Variants in RPL5 observed in about 807,000 individuals in gnomAD.
RPL5 encodes the protein large ribosomal subunit protein uL18.
Under a neutral mutation model 38.4 loss-of-function variants are expected in RPL5, and 1 was observed. The ratio of observed to expected loss-of-function variants is 0.03; its 90% confidence interval spans 0.01 to 0.12. The LOEUF is 0.12. RPL5 is among the 10% of genes least tolerant of loss of function. RPL5 has a pLI of 1.00. For missense variants in RPL5, 243 were observed against 374.1 expected, an observed-to-expected ratio of 0.65 and a Z score of 2.89; for synonymous variants, 109 against 121.2, an observed-to-expected ratio of 0.90 and a Z score of 0.66.
chr1:92,834,951 CTG>C, intron 4 of RPL5, 38 bp downstream of exon 4: 1 of 1,599,614 alleles, frequency 6.3e-7, no homozygotes, highest in Non-Finnish European at 8.5e-7. Flanking sequence ...TAGTTTGTGG[CTG>C]ATTGCTTGGA....
At chr1:92,840,423 T>C in intron 6 of RPL5, 128 bp from the exon 7 acceptor site, 1 of 744,300 alleles carries the variant, frequency 1.3e-6, no homozygotes, top group South Asian at 1.5e-5. Context: ...TTAAAGTGTT[T>C]ACCAACATTG....
intron 4 of RPL5, among the ~76,000 whole-genome samples, chr1:92,835,480 C>T (rs1201697489): frequency 6.6e-6 from 1 of 150,502 alleles, no homozygotes; most frequent in African/African-American, 2.5e-5. Context: ...TGGTGAAGCC[C>T]TGTCTCTACT....
chr1:92,834,238 A>ATC (rs1687030376), intron 3 of RPL5, among the ~76,000 whole-genome samples: 2 of 152,322 alleles, frequency 1.3e-5, no homozygotes, highest in Admixed American at 1.3e-4. Context: ...GTAGTTGTGA[A>ATC]TTAAACAGGG....
In RPL5 at chr1:92,840,027, A is replaced by T. The variant is rs866574781; in HGVS notation, c.706-524A>T. Among the ~76,000 whole-genome samples the T allele has an allele frequency of 4.5e-3, 611 of 135,700 alleles. 1 individual carries two copies. Among genetic ancestry groups the T allele is most frequent in the South Asian group, 0.011 (49 of 4,346 alleles). 89.0% of individuals were successfully genotyped at this position (135,700 alleles called of 152,430 possible). On this transcript the variant is annotated intron_variant, in intron 6 of 7. Coordinates refer to ENST00000370321, the MANE Select transcript of RPL5 (RefSeq NM_000969.5). Reference sequence around the variant, plus strand: ...CTGCTAATTTTTTTTTTTTTTTTTTAATTTTTGGTAGAGATGAGGTCTCAT... The same window carrying T: ...CTGCTAATTTTTTTTTTTTTTTTTTTATTTTTGGTAGAGATGAGGTCTCAT...
chr1:92,833,306 T>C, intron 1 of RPL5, 83 bp from the exon 2 acceptor site: 1 of 1,136,508 alleles, frequency 8.8e-7, no homozygotes, highest in Non-Finnish European at 1.3e-6. Context: ...AGTTCAAGTG[T>C]TACTTTGTTA....
At chr1:92,835,388 C>A (rs188279769) in intron 4 of RPL5, 308 of 218,958 alleles carry the variant, frequency 1.4e-3, no homozygotes, top group Non-Finnish European at 2.2e-3. Flanking sequence ...CGCGGTGGCT[C>A]ACACTTATAA....
chr1:92,834,818 G>A lies in RPL5; in HGVS notation c.229G>A (p.Ala77Thr), dbSNP rs752867126. The A allele has an allele frequency of 1.7e-5, 27 of 1,612,564 alleles. No individual in the cohort carries two copies. The highest frequency in any genetic ancestry group is 1.8e-5 in the Non-Finnish European group (21 of 1,179,918). ...TATAGAGGGGGATATGATAGTCTGC[G>A]CAGCGTATGCACACGAACTGCCAAA... ...ARIEGDMIVC[A>T]AYAHELPKYG... is the part of the protein sequence containing the mutation. Residue 77 changes from alanine to threonine, a missense_variant, in exon 4 of 8, where the codon GCA (alanine) becomes ACA (threonine). Coordinates refer to ENST00000370321, the MANE Select transcript of RPL5 (RefSeq NM_000969.5).
At chr1:92,832,254 G>A (rs1686936957) in intron 1 of RPL5, 137 bp downstream of exon 1, 1 of 1,392,692 alleles carries the variant, frequency 7.2e-7, no homozygotes, top group Non-Finnish European at 1.0e-6. Flanking sequence ...TGGTCGAGGT[G>A]CAGTTCCCAG....
rs535694254 is a variant in RPL5 at position 92,832,071 on chromosome 1, G to C, written c.-44G>C. On this transcript the variant is annotated 5_prime_UTR_variant, in exon 1 of 8. Transcript: ENST00000370321. Reference sequence around the variant, plus strand: ...CCCACCCCCTAGCGCCGCTGGGCCTGCAGGTCTCTGTCGAGCAGCGGACGC... The same window carrying C: ...CCCACCCCCTAGCGCCGCTGGGCCTCCAGGTCTCTGTCGAGCAGCGGACGC... 1 of 1,613,544 alleles carries C rather than the reference G, an allele frequency of 6.2e-7. No individual in the cohort carries two copies. The highest frequency in any genetic ancestry group is 8.5e-7 in the Non-Finnish European group (1 of 1,179,806).
intron 4 of RPL5, 72 bp downstream of exon 4, chr1:92,834,985 T>A: frequency 6.3e-7 from 1 of 1,589,836 alleles, no homozygotes; most frequent in East Asian, 2.2e-5. Flanking sequence ...AAGATGTTTG[T>A]ACATGGATAA....
At chr1:92,840,769 C>T in intron 7 of RPL5, 130 bp downstream of exon 7, 1 of 774,946 alleles carries the variant, frequency 1.3e-6, no homozygotes, top group Non-Finnish European at 2.3e-6. Flanking sequence ...CGAAGGGAAC[C>T]AGGTTTGCAA....
chr1:92,832,958 A>G (rs538839176), intron 1 of RPL5: 4 of 717,302 alleles, frequency 5.6e-6, no homozygotes, highest in East Asian at 5.1e-5. Flanking sequence ...TGTTCCGAAC[A>G]AACCGACGTT....
chr1:92,841,023 A>G (rs1416666738), intron 7 of RPL5, among the ~76,000 whole-genome samples: 2 of 152,264 alleles, frequency 1.3e-5, no homozygotes, highest in East Asian at 3.8e-4. Context: ...TATTTAACAT[A>G]TTCACCTCAA....
Position 92,832,693 on chromosome 1 carries a change from G to A in RPL5, c.3+576G>A, listed in dbSNP as rs1294640266. ...GAAGCTCCTTTAACATGGAATACGT[G>A]CCTCCTGCCTCTTCCTCTAGAGTCC... On this transcript the variant is annotated intron_variant, in intron 1 of 7. Coordinates refer to ENST00000370321, the MANE Select transcript of RPL5 (RefSeq NM_000969.5). 4 of 371,592 alleles carry A rather than the reference G, an allele frequency of 1.1e-5. No homozygotes were observed. The East Asian group carries it at 1.5e-4, about 14-fold the overall frequency. 23.0% of individuals were successfully genotyped at this position (371,592 alleles called of 1,614,324 possible). A position where few individuals can be genotyped will look rare whatever the true frequency, so the allele number is the denominator to read the frequency against.
chr1:92,840,526 T>C, intron 6 of RPL5, 25 bp from the exon 7 acceptor site: 1 of 1,548,638 alleles, frequency 6.5e-7, no homozygotes, highest in Non-Finnish European at 8.9e-7. Flanking sequence ...TGAAACCAAG[T>C]ACTGTTTGCT....
At position 92,841,749 on chromosome 1, in the gene RPL5, A is replaced by G. The variant is rs774939950; in HGVS notation, c.795-17A>G. The stretch of plus-strand genomic sequence containing the variant: ...TTCAGTTATAGTTTAAAAAATATAT[A>G]TTCCTATCTTTTGTAGGTGGAACCG... On this transcript the variant is annotated splice_polypyrimidine_tract_variant and intron_variant, in intron 7 of 7. Transcript: ENST00000370321. 6.4e-7 allele frequency: 1 copy of G among 1,554,714 alleles called. No homozygotes were observed. Among genetic ancestry groups the G allele is most frequent in the South Asian group, 1.1e-5 (1 of 89,304 alleles).
At position 92,841,869 on chromosome 1, in the gene RPL5, C is replaced by A; in HGVS notation, c.*4C>A. The A allele has an allele frequency of 1.2e-6, 2 of 1,608,042 alleles. No individual in the cohort carries two copies. Among genetic ancestry groups the A allele is most frequent in the Non-Finnish European group, 8.5e-7 (1 of 1,176,342 alleles). On this transcript the variant is annotated 3_prime_UTR_variant, in exon 8 of 8. Coordinates refer to ENST00000370321, the MANE Select transcript of RPL5 (RefSeq NM_000969.5). ...GGAGCGGGCTGCTGAGAGCTAAACC[C>A]AGCAATTTTCTATGATTTTTTCAGA...
intron 4 of RPL5, 56 bp from the exon 5 acceptor site, chr1:92,836,134 A>G: frequency 6.6e-7 from 1 of 1,511,146 alleles, no homozygotes. Flanking sequence ...AAGCTATTTT[A>G]ATTTTAGAGC....
intron 6 of RPL5, among the ~76,000 whole-genome samples, chr1:92,839,336 G>A (rs1415561286): frequency 6.6e-6 from 1 of 152,166 alleles, no homozygotes; most frequent in Non-Finnish European, 1.5e-5. Context: ...TCCAGCCTGG[G>A]CAACAGAGCG....
Sources: gnomAD v4.1 joint callset for allele counts (sites outside exome capture counted in the v4.1 genomes callset) on GRCh38, gnomAD v4.1.1 for gene constraint, MANE v1.5 for transcripts, NCBI Gene and HGNC (gene_info 2026-07-23, HGNC 2026-07-21) for gene names.